ATG10: variants seen among roughly 807,000 people sequenced by gnomAD.
ATG10 encodes autophagy related 10, also known as ubiquitin-like-conjugating enzyme ATG10.
ATG10 carries 30 observed loss-of-function variants against 32.1 expected under a neutral mutation model. The observed-to-expected ratio is 0.94, with a 90% CI of 0.70 to 1.27. ATG10 has a LOEUF of 1.27. Among genes scored for constraint, ATG10 ranks in the 50% most tolerant of loss-of-function variants. The pLI is 0.00. For synonymous variants in ATG10, 87 were observed against 91.5 expected (o/e 0.95, Z 0.28); for missense variants, 233 against 262.3 (o/e 0.89, Z 0.77).
intron 5 of ATG10, among the ~76,000 whole-genome samples, chr5:82,209,157 T>C (rs1745404117): frequency 6.6e-6 from 1 of 152,214 alleles, no homozygotes; most frequent in African/African-American, 2.4e-5. Context: ...GAAAGATTTT[T>C]AATAAAAAAC....
chr5:82,112,955 T>G (rs1322348004), intron 3 of ATG10, among the ~76,000 whole-genome samples: 6 of 152,100 alleles, frequency 3.9e-5, no homozygotes, highest in South Asian at 2.1e-4. Flanking sequence ...GTTATTAAAA[T>G]GTACATTTCA....
chr5:82,040,863 G>A (rs946645404), intron 2 of ATG10, among the ~76,000 whole-genome samples: 1 of 152,220 alleles, frequency 6.6e-6, no homozygotes, highest in Admixed American at 6.5e-5. Flanking sequence ...GGCTCTATTG[G>A]CTTTTTTGTT....
At chr5:82,057,689 C>CA (rs1342726736) in intron 2 of ATG10, among the ~76,000 whole-genome samples, 6 of 151,766 alleles carry the variant, frequency 4.0e-5, no homozygotes, top group Admixed American at 6.6e-5. Flanking sequence ...TTATTGAATT[C>CA]AAAAAAGTGT....
intron 3 of ATG10, among the ~76,000 whole-genome samples, chr5:82,156,091 G>A (rs990248539): frequency 6.6e-6 from 1 of 151,966 alleles, no homozygotes; most frequent in Non-Finnish European, 1.5e-5. Flanking sequence ...GGAGTGGGGG[G>A]TGATAAGCTG....
intron 5 of ATG10, among the ~76,000 whole-genome samples, chr5:82,199,247 A>C (rs982604119): frequency 1.3e-5 from 2 of 152,232 alleles, no homozygotes; most frequent in Non-Finnish European, 2.9e-5. Context: ...ATTTTTCTCA[A>C]AACATGAAAA....
intron 3 of ATG10, among the ~76,000 whole-genome samples, chr5:82,096,239 T>A (rs1765059366): frequency 6.6e-6 from 1 of 152,192 alleles, no homozygotes; most frequent in Non-Finnish European, 1.5e-5. Context: ...ACACATCTAT[T>A]TCTAAGATTT....
chr5:82,123,462 G>T (rs76389624), intron 3 of ATG10, among the ~76,000 whole-genome samples: 1 of 151,172 alleles, frequency 6.6e-6, no homozygotes, highest in African/African-American at 2.4e-5. Context: ...CAACAAACCC[G>T]CATGATATGA....
chr5:82,181,015 T>C (rs2149927933), intron 5 of ATG10, among the ~76,000 whole-genome samples: 1 of 152,302 alleles, frequency 6.6e-6, no homozygotes, highest in South Asian at 2.1e-4. Context: ...TTTAATAGAA[T>C]TGACGAATGT....
chr5:82,084,870 C>G (rs965773223), intron 3 of ATG10, among the ~76,000 whole-genome samples: 1 of 152,064 alleles, frequency 6.6e-6, no homozygotes, highest in Admixed American at 6.5e-5. Flanking sequence ...CCAGCCACTG[C>G]CAAAACATGC....
rs537190695 is a variant in ATG10, at chr5:82,226,319, A to G, written c.454-26243A>G. On this transcript the variant is annotated intron_variant, in intron 5 of 7. Coordinates refer to ENST00000282185, the MANE Select transcript of ATG10 (RefSeq NM_031482.5). Reference sequence around the variant, plus strand: ...AGAGCTGGTGAATATGCTTCAACACATACATTTCCACACTGCATCTTACTA... The same window carrying G: ...AGAGCTGGTGAATATGCTTCAACACGTACATTTCCACACTGCATCTTACTA... Among the ~76,000 whole-genome samples, 5 of 152,264 alleles carry G rather than the reference A, an allele frequency of 3.3e-5. No individual in the cohort carries two copies. The East Asian group carries it at 7.7e-4, about 24-fold the overall frequency.
At chr5:82,210,918 T>G (rs796361522) in intron 5 of ATG10, among the ~76,000 whole-genome samples, 17 of 152,344 alleles carry the variant, frequency 1.1e-4, no homozygotes, top group African/African-American at 3.8e-4. Flanking sequence ...ATATAGTTTC[T>G]ATCTTTCTTC....
At chr5:82,032,808 C>T (rs1762780766) in intron 2 of ATG10, among the ~76,000 whole-genome samples, 2 of 151,744 alleles carry the variant, frequency 1.3e-5, no homozygotes, top group South Asian at 4.1e-4. Flanking sequence ...TTAGTGATTG[C>T]TATGTGCCAG....
rs1743853759 is a variant in ATG10 at position 82,172,774 on chromosome 5, A to G, written c.356-5716A>G. ...AAGTTGCCATAGTTCATATTTTTGG[A>G]ATTTCATTTAGATTTCTTGAGCCCA... On this transcript the variant is annotated intron_variant, in intron 4 of 7. Coordinates refer to ENST00000282185, the MANE Select transcript of ATG10 (RefSeq NM_031482.5). Among the ~76,000 whole-genome samples the G allele has an allele frequency of 2.0e-5, 3 of 152,204 alleles. No homozygotes were observed. The South Asian group carries it at 6.2e-4, about 31-fold the overall frequency.
At chr5:82,050,456 A>G (rs1763375202) in intron 2 of ATG10, among the ~76,000 whole-genome samples, 2 of 152,036 alleles carry the variant, frequency 1.3e-5, no homozygotes, top group African/African-American at 4.8e-5. Context: ...TTACATCATC[A>G]AGATTCATAA....
intron 2 of ATG10, among the ~76,000 whole-genome samples, chr5:81,987,988 A>T (rs927644145): frequency 1.3e-5 from 2 of 152,212 alleles, no homozygotes; most frequent in Admixed American, 6.5e-5. Flanking sequence ...TGGTGCTTCA[A>T]ATCATCAATC....
At chr5:82,044,768 T>A (rs145601623) in intron 2 of ATG10, among the ~76,000 whole-genome samples, 208 of 152,344 alleles carry the variant, frequency 1.4e-3, no homozygotes, top group African/African-American at 4.6e-3. Flanking sequence ...ATATGAACTA[T>A]TCCTAGCCCT....
chr5:82,021,855 T>G (rs1168973464), intron 2 of ATG10, among the ~76,000 whole-genome samples: 1 of 151,774 alleles, frequency 6.6e-6, no homozygotes, highest in Non-Finnish European at 1.5e-5. Context: ...AGACCCAGTC[T>G]CTATTAAAAA....
chr5:82,022,137 C>T (rs372910849), intron 2 of ATG10, among the ~76,000 whole-genome samples: 3 of 149,734 alleles, frequency 2.0e-5, no homozygotes, highest in Admixed American at 6.7e-5. Flanking sequence ...TGCAGTGAGC[C>T]GAGATTGCGC....
intron 3 of ATG10, among the ~76,000 whole-genome samples, chr5:82,162,248 T>C (rs1475909139): frequency 6.6e-6 from 1 of 152,072 alleles, no homozygotes; most frequent in Admixed American, 6.6e-5. Context: ...AAGCAAATCA[T>C]GGGAGAATAC....
Sources: gnomAD v4.1 joint callset for allele counts (sites outside exome capture counted in the v4.1 genomes callset) on GRCh38, gnomAD v4.1.1 for gene constraint, MANE v1.5 for transcripts, NCBI Gene and HGNC (gene_info 2026-07-23, HGNC 2026-07-21) for gene names.